Variants in PADI6 observed in about 807,000 individuals in gnomAD.
PADI6 encodes peptidyl arginine deiminase 6, also known as inactive protein-arginine deiminase type-6.
PADI6 carries 66 observed loss-of-function variants against 78.2 expected under a neutral mutation model. The ratio of observed to expected loss-of-function variants is 0.84; its 90% CI spans 0.69 to 1.04. PADI6 has a LOEUF of 1.04. Among genes scored for constraint, PADI6 ranks in the 50% least tolerant of loss-of-function variants. The probability of loss-of-function intolerance (pLI) is 0.00; values close to 1 mark genes in which losing one functional copy is unlikely to be tolerated. For missense variants in PADI6, 854 were observed against 866.1 expected (o/e 0.99, Z 0.18); for synonymous variants, 397 against 346.9 (o/e 1.14, Z -1.60).
At chr1:17,399,349 A>G (rs1290016141) in intron 15 of PADI6, among the ~76,000 whole-genome samples, 2 of 152,160 alleles carry the variant, frequency 1.3e-5, no homozygotes, top group Non-Finnish European at 2.9e-5. Context: ...CTGTAATCCC[A>G]ACACTTTGGG....
intron 6 of PADI6, among the ~76,000 whole-genome samples, chr1:17,385,726 G>A (rs1325134420): frequency 1.4e-5 from 2 of 140,566 alleles, no homozygotes; most frequent in Non-Finnish European, 3.2e-5. Flanking sequence ...AGGATGGAGA[G>A]GATGACATCG....
intron 15 of PADI6, among the ~76,000 whole-genome samples, chr1:17,399,712 G>C (rs1404527995): frequency 6.7e-6 from 1 of 148,790 alleles, no homozygotes; most frequent in African/African-American, 2.5e-5. Context: ...GGGCAACATA[G>C]TGAGACCCTG....
chr1:17,401,464 T>G lies in PADI6; in HGVS notation c.*26T>G. 2 of 1,586,334 alleles carry G rather than the reference T, an allele frequency of 1.3e-6. No homozygotes were observed. The highest frequency in any genetic ancestry group is 1.7e-6 in the Non-Finnish European group (2 of 1,158,054). On this transcript the variant is annotated 3_prime_UTR_variant, in exon 16 of 16. Coordinates refer to ENST00000619609, the MANE Select transcript of PADI6 (RefSeq NM_207421.4). ...ACCCAGGCCCTGGAGCTGCCAGCTC[T>G]GCCCCAGCGTGGATGGCCCACTGTC...
chr1:17,392,242 G>A lies in PADI6; in HGVS notation c.1074+17G>A. On this transcript the variant is annotated intron_variant, in intron 9 of 15. Coordinates refer to ENST00000619609, the MANE Select transcript of PADI6 (RefSeq NM_207421.4). ...TGGCTCCAGGTAACACCCCACCTGG[G>A]AACCCACCTGTCGGGGAGGGGTGGG... 3.9e-6 allele frequency: 6 copies of A among 1,534,606 alleles called. No homozygotes were observed. Among genetic ancestry groups the A allele is most frequent in the Non-Finnish European group, 5.3e-6 (6 of 1,131,550 alleles).
rs1434157319 is a variant in PADI6 at position 17,378,506 on chromosome 1, C to CT, written c.368-1412dup. Among the ~76,000 whole-genome samples, 6 of 152,282 alleles carry CT rather than the reference C, an allele frequency of 3.9e-5. No homozygotes were observed. In the East Asian group the frequency reaches 1.2e-3, roughly 29 times the overall value. The stretch of plus-strand genomic sequence containing the variant: ...CCACACTGGAGCGACGTGGTTGTCC[C>CT]TTGTGTGGTGGAAGGGATGGGAGGT... On this transcript the variant is annotated intron_variant, in intron 3 of 15. Coordinates refer to ENST00000619609, the MANE Select transcript of PADI6 (RefSeq NM_207421.4).
chr1:17,380,056 A>ATC, intron 4 of PADI6, 69 bp downstream of exon 4: 1 of 1,495,630 alleles, frequency 6.7e-7, no homozygotes, highest in Non-Finnish European at 9.3e-7. Flanking sequence ...GGCTCACTTG[A>ATC]TCTGACCTTC....
At chr1:17,400,485 C>T (rs2075291275) in intron 15 of PADI6, among the ~76,000 whole-genome samples, 1 of 152,058 alleles carries the variant, frequency 6.6e-6, no homozygotes, top group African/African-American at 2.4e-5. Flanking sequence ...CCAGCCTGGG[C>T]AACAAGAGCA....
At position 17,395,011 on chromosome 1, in the gene PADI6, A is replaced by G; in HGVS notation, c.1398A>G (p.Gln466=). 1.2e-6 allele frequency: 2 copies of G among 1,613,830 alleles called. No individual in the cohort carries two copies. The highest frequency in any genetic ancestry group is 1.7e-6 in the Non-Finnish European group (2 of 1,179,878). ...LRDFLYAQQV[Q]APVELYSDWL... ...ACTTCCTCTATGCCCAGCAGGTCCA[A>G]GCGCCGGTGGAGCTCTACTCAGATT... Residue 466 remains glutamine (Q), a synonymous_variant, in exon 12 of 16, where the codon CAA becomes CAG. Transcript: ENST00000619609.
At chr1:17,391,654 C>T (rs1013256266) in intron 8 of PADI6, among the ~76,000 whole-genome samples, 5 of 152,178 alleles carry the variant, frequency 3.3e-5, no homozygotes, top group Admixed American at 2.6e-4. Context: ...CCCAACGCCA[C>T]ACATATAAAA....
chr1:17,379,026 C>A (rs111909594), intron 3 of PADI6, among the ~76,000 whole-genome samples: 1,818 of 151,694 alleles, frequency 0.012, 51 homozygotes, highest in African/African-American at 0.042. Context: ...CTCACTGCAA[C>A]CTCCACCTTC....
At position 17,380,847 on chromosome 1, in the gene PADI6, A is replaced by T. The variant is rs569749498; in HGVS notation, c.436-200A>T. ...GTAAGTAACTGGTAACCCCGAACCT[A>T]GCTTCTTTCCCTTCCTCTTAGCCTC... On this transcript the variant is annotated intron_variant, in intron 4 of 15. Coordinates refer to ENST00000619609, the MANE Select transcript of PADI6 (RefSeq NM_207421.4). 1.2e-4 allele frequency among the ~76,000 whole-genome samples: 19 copies of T among 152,220 alleles called. No individual in the cohort carries two copies. The South Asian group carries it at 3.7e-3, about 30-fold the overall frequency.
chr1:17,372,202 C>CA lies in PADI6; in HGVS notation c.-44_-43insA, dbSNP rs1476665043. 6.4e-7 allele frequency: 1 copy of CA among 1,566,612 alleles called. No homozygotes were observed. The highest frequency in any genetic ancestry group is 8.8e-7 in the Non-Finnish European group (1 of 1,137,246). ...AAGGGCAGGGTGAGCCCTGGGGCGT[C>CA]TGAGGCTGCTGTGCTGAGTGAGGGC... On this transcript the variant is annotated 5_prime_UTR_variant, in exon 1 of 16. In the 5' UTR this introduces an upstream ATG that the reference lacks. Coordinates refer to ENST00000619609, the MANE Select transcript of PADI6 (RefSeq NM_207421.4).
At position 17,379,972 on chromosome 1, in the gene PADI6, T is replaced by A. The variant is rs1173274954; in HGVS notation, c.420T>A (p.Ser140Arg). ...IYRNGQVEMS[S>R]DKQAKKKWIW... ...GCAATGGGCAAGTTGAGATGTCAAG[T>A]GACAAACAGGCTAAGGTGAGTCTGC... Residue 140 changes from serine (S) to arginine (R), a missense_variant, in exon 4 of 16, where the codon AGT becomes AGA. Coordinates refer to ENST00000619609, the MANE Select transcript of PADI6 (RefSeq NM_207421.4). 6.2e-7 allele frequency: 1 copy of A among 1,613,418 alleles called. No homozygotes were observed. The highest frequency in any genetic ancestry group is 1.7e-5 in the Admixed American group (1 of 59,996).
intron 6 of PADI6, among the ~76,000 whole-genome samples, chr1:17,387,458 A>AGG (rs71014946): frequency 1.0e-3 from 144 of 138,374 alleles, no homozygotes; most frequent in South Asian, 5.7e-3. Context: ...AAAGAAAAGG[A>AGG]GGGGGGGGGG....
chr1:17,381,881 C>T, intron 5 of PADI6, 86 bp from the exon 6 acceptor site: 2 of 1,523,236 alleles, frequency 1.3e-6, no homozygotes, highest in South Asian at 1.1e-5. Context: ...TGTTCAAACT[C>T]CCGGCCCCTC....
chr1:17,376,442 G>A (rs2075016832), intron 3 of PADI6, among the ~76,000 whole-genome samples: 1 of 151,898 alleles, frequency 6.6e-6, no homozygotes, highest in Non-Finnish European at 1.5e-5. Flanking sequence ...TGGGACTATA[G>A]GTACCCGCCA....
intron 7 of PADI6, 81 bp from the exon 8 acceptor site, chr1:17,388,696 C>CT (rs2075151722): frequency 1.3e-6 from 2 of 1,492,554 alleles, no homozygotes; most frequent in South Asian, 1.3e-5. Context: ...GGGGGCCGGA[C>CT]TGAACGGCCG....
intron 2 of PADI6, among the ~76,000 whole-genome samples, chr1:17,374,042 A>C (rs1218982691): frequency 6.6e-6 from 1 of 152,000 alleles, no homozygotes; most frequent in Admixed American, 6.5e-5. Context: ...TAATAACATC[A>C]ATACCCAGGC....
Position 17,387,669 on chromosome 1 carries a change from A to G in PADI6, c.680-712A>G, listed in dbSNP as rs79702765. On this transcript the variant is annotated intron_variant, in intron 6 of 15. Coordinates refer to ENST00000619609, the MANE Select transcript of PADI6 (RefSeq NM_207421.4). ...CTCAGGAAGCTGAGGCAGAATGGCC[A>G]GAATCCAGGAGGCAAAGCTTACAGT... Among the ~76,000 whole-genome samples the G allele has an allele frequency of 5.6e-3, 851 of 152,306 alleles. 5 individuals are homozygous for G. The highest frequency in any genetic ancestry group is 0.019 in the African/African-American group (779 of 41,568).
Sources: gnomAD v4.1 joint callset for allele counts (sites outside exome capture counted in the v4.1 genomes callset) on GRCh38, gnomAD v4.1.1 for gene constraint, MANE v1.5 for transcripts, NCBI Gene and HGNC (gene_info 2026-07-23, HGNC 2026-07-21) for gene names.